Variants in PPFIA2 observed in about 807,000 individuals in gnomAD.
The protein encoded by PPFIA2 is liprin-alpha-2.
A neutral mutation model predicts 175.5 loss-of-function variants in PPFIA2; 46 were observed. That is an observed-to-expected ratio of 0.26 (90% CI 0.21 to 0.34). PPFIA2 has a LOEUF of 0.34. Among genes scored for constraint, PPFIA2 ranks in the 10% least tolerant of loss-of-function variants. The pLI, the probability that PPFIA2 is intolerant of heterozygous loss-of-function variation, is 1.00. For synonymous variants in PPFIA2, 568 were observed against 511.4 expected (o/e 1.11, Z -1.49); for missense variants, 1,179 against 1,506.1 (o/e 0.78, Z 3.60).
At chr12:81,433,038 G>GA (rs919557244) in intron 7 of PPFIA2, among the ~76,000 whole-genome samples, 6 of 147,130 alleles carry the variant, frequency 4.1e-5, no homozygotes, top group Non-Finnish European at 7.5e-5. Context: ...AAAAAAAACA[G>GA]AAAAAAACCC....
chr12:81,649,845 C>T (rs1158182394), intron 4 of PPFIA2, among the ~76,000 whole-genome samples: 1 of 151,956 alleles, frequency 6.6e-6, no homozygotes, highest in African/African-American at 2.4e-5. Flanking sequence ...ACTATCATGA[C>T]AAAAAGTAGA....
intron 4 of PPFIA2, among the ~76,000 whole-genome samples, chr12:81,539,120 T>C (rs543773396): frequency 6.6e-6 from 1 of 152,020 alleles, no homozygotes; most frequent in East Asian, 1.9e-4. Context: ...TGGAATTGAA[T>C]TGTTATCAGT....
intron 8 of PPFIA2, among the ~76,000 whole-genome samples, chr12:81,398,725 G>A (rs969567811): frequency 6.6e-6 from 1 of 152,106 alleles, no homozygotes; most frequent in Admixed American, 6.6e-5. Context: ...TAAAGGTTAA[G>A]CACCAGCATT....
intron 3 of PPFIA2, among the ~76,000 whole-genome samples, chr12:81,702,643 T>C (rs2076633766): frequency 6.6e-6 from 1 of 151,636 alleles, no homozygotes; most frequent in Admixed American, 6.6e-5. Flanking sequence ...GGCTTTATTC[T>C]TACTTCTCTG....
chr12:81,379,040 T>C (rs1211930764), intron 9 of PPFIA2, among the ~76,000 whole-genome samples: 1 of 152,184 alleles, frequency 6.6e-6, no homozygotes, highest in African/African-American at 2.4e-5. Context: ...GATCTCACTC[T>C]ATGACGTAGA....
chr12:81,377,331 A>T (rs1205968300), intron 9 of PPFIA2, among the ~76,000 whole-genome samples: 1 of 152,130 alleles, frequency 6.6e-6, no homozygotes, highest in African/African-American at 2.4e-5. Flanking sequence ...AGATCTCTTG[A>T]GGTCAGGAGT....
chr12:81,683,273 T>A (rs1200767908), intron 3 of PPFIA2, among the ~76,000 whole-genome samples: 2 of 151,996 alleles, frequency 1.3e-5, no homozygotes, highest in African/African-American at 4.8e-5. Context: ...TTTGACTACA[T>A]CTCATTACCT....
At chr12:81,366,979 A>G (rs2033668411) in intron 14 of PPFIA2, 129 bp downstream of exon 14, 1 of 1,089,660 alleles carries the variant, frequency 9.2e-7, no homozygotes, top group African/African-American at 1.6e-5. Flanking sequence ...TATTCTAAAA[A>G]GTTAAAATTG....
intron 5 of PPFIA2, among the ~76,000 whole-genome samples, chr12:81,448,149 T>C (rs2051682515): frequency 6.6e-6 from 1 of 152,208 alleles, no homozygotes; most frequent in Non-Finnish European, 1.5e-5. Context: ...ATAATGATGC[T>C]ATAAAGGATA....
Position 81,282,887 on chromosome 12 carries a change from A to T in PPFIA2, c.3018+123T>A, listed in dbSNP as rs1056860683. On this transcript the variant is annotated intron_variant, in intron 26 of 32. Transcript: ENST00000549396. ...AAACATAATCTACATTTACCTATAC[A>T]CATCAGCCTAATATTGAGCTAAGTG... 24 of 722,854 alleles carry T rather than the reference A, an allele frequency of 3.3e-5. No homozygotes were observed. The Admixed American group carries it at 5.1e-4, about 15-fold the overall frequency. 44.8% of individuals were successfully genotyped at this position (722,854 alleles called of 1,614,324 possible).
intron 3 of PPFIA2, among the ~76,000 whole-genome samples, chr12:81,748,543 G>T (rs2083339506): frequency 6.9e-6 from 1 of 144,500 alleles, no homozygotes; most frequent in Admixed American, 7.3e-5. Flanking sequence ...ATGGCATAGA[G>T]GTGAATGGCC....
At chr12:81,358,621 CT>C (rs2061191433) in intron 15 of PPFIA2, among the ~76,000 whole-genome samples, 1 of 152,008 alleles carries the variant, frequency 6.6e-6, no homozygotes, top group African/African-American at 2.4e-5. Context: ...TTAAATATTT[CT>C]TATACATCTA....
intron 4 of PPFIA2, among the ~76,000 whole-genome samples, chr12:81,576,252 A>T (rs915926513): frequency 1.4e-4 from 22 of 151,744 alleles, no homozygotes; most frequent in African/African-American, 5.3e-4. Flanking sequence ...TGAGAAAATG[A>T]CTTTGGATCT....
intron 4 of PPFIA2, among the ~76,000 whole-genome samples, chr12:81,587,232 G>T (rs1407937989): frequency 3.9e-5 from 6 of 151,920 alleles, no homozygotes; most frequent in Admixed American, 1.3e-4. Context: ...TGTGTCGAGG[G>T]AGGGGAGTGA....
chr12:81,336,318 T>C (rs2140190197), intron 21 of PPFIA2, among the ~76,000 whole-genome samples: 1 of 152,284 alleles, frequency 6.6e-6, no homozygotes, highest in South Asian at 2.1e-4. Flanking sequence ...CCTTTGAGTT[T>C]TGGGGTTTCC....
intron 30 of PPFIA2, among the ~76,000 whole-genome samples, chr12:81,264,014 G>A (rs1195198608): frequency 1.3e-5 from 2 of 152,114 alleles, no homozygotes; most frequent in Non-Finnish European, 2.9e-5. Context: ...ATAAGTACAT[G>A]TGGTCTTTGG....
In PPFIA2 at chr12:81,368,029, G is replaced by A. The variant is rs1404269142; in HGVS notation, c.1482+696C>T. On this transcript the variant is annotated intron_variant, in intron 13 of 32. Coordinates refer to ENST00000549396, the MANE Select transcript of PPFIA2 (RefSeq NM_003625.5). The stretch of plus-strand genomic sequence containing the variant: ...TTTATTTTATGTACTAATGGAAAAT[G>A]TCTAGCTAAAATAGTGATTGGCATT... The A allele has an allele frequency of 2.9e-6, 3 of 1,050,030 alleles. No homozygotes were observed. The African/African-American group carries it at 4.9e-5, about 17-fold the overall frequency. The allele number at this position is 1,050,030 out of a possible 1,614,324, so 65.0% of individuals were successfully genotyped here. A position where few individuals can be genotyped will look rare whatever the true frequency, so the allele number is the denominator to read the frequency against.
At chr12:81,731,859 T>A (rs529174167) in intron 3 of PPFIA2, among the ~76,000 whole-genome samples, 1 of 151,768 alleles carries the variant, frequency 6.6e-6, no homozygotes, top group South Asian at 2.1e-4. Context: ...CTTAAAACTA[T>A]GCCTGGAGTT....
intron 3 of PPFIA2, 30 bp from the exon 4 acceptor site, chr12:81,676,874 G>A (rs2072618749): frequency 6.5e-7 from 1 of 1,528,710 alleles, no homozygotes; most frequent in Non-Finnish European, 8.9e-7. Context: ...TGATTGTAAA[G>A]TGCTACTCAA....
Sources: allele counts gnomAD v4.1 joint callset (sites outside exome capture counted in the v4.1 genomes callset), GRCh38; gene constraint gnomAD v4.1.1; transcripts MANE v1.5; gene names NCBI Gene and HGNC (gene_info 2026-07-23, HGNC 2026-07-21).